Variants in DNAH10 observed in about 807,000 individuals in gnomAD.
DNAH10 encodes the protein axonemal beta dynein heavy chain 10.
A neutral mutation model predicts 506.6 loss-of-function variants in DNAH10; 348 were observed. That is an observed-to-expected ratio of 0.69 (90% CI 0.63 to 0.75). The LOEUF is 0.75. Ranked by LOEUF, DNAH10 falls within the 30% of genes least tolerant of loss-of-function variation. The pLI is 0.00. For synonymous variants in DNAH10, 2,059 were observed against 2,198.6 expected, an observed-to-expected ratio of 0.94 and a Z score of 1.78; for missense variants, 5,179 against 5,787.1, an observed-to-expected ratio of 0.89 and a Z score of 3.41.
intron 71 of DNAH10, 26 bp downstream of exon 71, chr12:123,929,510 A>G (rs1452212365): frequency 6.2e-7 from 1 of 1,607,142 alleles, no homozygotes. Context: ...TCTCCTTGGA[A>G]ATGGCTTCCT....
Position 123,852,175 on chromosome 12 carries a change from C to T in DNAH10, c.6292-1031C>T, listed in dbSNP as rs542787620. On this transcript the variant is annotated intron_variant, in intron 35 of 78. Transcript: ENST00000673944. ...TTTGTCACTTTGAGAATGTTCTCTA[C>T]CTGGAGACATGTAGTATGGAACCCT... Among the ~76,000 whole-genome samples the T allele has an allele frequency of 8.5e-5, 13 of 152,326 alleles. No homozygotes were observed. In the South Asian group the frequency reaches 2.5e-3, roughly 29 times the overall value.
At chr12:123,922,441 G>A (rs532066088) in intron 65 of DNAH10, among the ~76,000 whole-genome samples, 100 of 152,298 alleles carry the variant, frequency 6.6e-4, no homozygotes, top group African/African-American at 2.0e-3. Context: ...GGGGCCTGTA[G>A]AGTGACCTTT....
chr12:123,847,844 G>T (rs1222996556), intron 32 of DNAH10, 117 bp from the exon 33 acceptor site: 2 of 1,384,636 alleles, frequency 1.4e-6, no homozygotes, highest in African/African-American at 2.9e-5. Context: ...ACACATGAAA[G>T]CAAACACCAC....
intron 25 of DNAH10, among the ~76,000 whole-genome samples, chr12:123,828,536 C>G (rs1960218317): frequency 6.6e-6 from 1 of 152,140 alleles, no homozygotes; most frequent in African/African-American, 2.4e-5. Context: ...TCTGCAGCAG[C>G]AGGCATACTC....
intron 78 of DNAH10, 199 bp downstream of exon 78, chr12:123,934,965 T>C: frequency 1.4e-6 from 1 of 694,084 alleles, no homozygotes. Flanking sequence ...TGTGTGTGGA[T>C]GCCGGTCCTT....
chr12:123,831,277 A>G (rs1194719143), intron 26 of DNAH10, among the ~76,000 whole-genome samples: 7 of 152,172 alleles, frequency 4.6e-5, no homozygotes, highest in Admixed American at 4.6e-4. Context: ...ACATATGCAT[A>G]CACACATACT....
rs761216754 is a variant in DNAH10, at chr12:123,826,691, C to T, written c.4184C>T (p.Ala1395Val). The change falls in exon 25 of 79, where the codon GCA (alanine) becomes GTA (valine). Residue 1395 changes from alanine to valine, a missense_variant. By Grantham distance (64) the Ala-to-Val change is moderately conservative (BLOSUM62 0). This residue lies in a region of DNAH10 where 4,844 missense variants were observed against 5,430.5 expected (regional missense o/e 0.89). Coordinates refer to ENST00000673944, the MANE Select transcript of DNAH10 (RefSeq NM_001372106.1). Reference sequence around the variant, plus strand: ...CTGTTCCTTGCACGTTTCCAGGTTGCAAAAGAAGAATGGTCTCAGACCCTT... The same window carrying T: ...CTGTTCCTTGCACGTTTCCAGGTTGTAAAAGAAGAATGGTCTCAGACCCTT... ...IYELYEGLKV[A>V]KEEWSQTLWI... 6.5e-5 allele frequency: 105 copies of T among 1,612,522 alleles called. No individual in the cohort carries two copies. Among genetic ancestry groups the T allele is most frequent in the Non-Finnish European group, 8.1e-5 (95 of 1,179,238 alleles).
chr12:123,896,130 CACACACACACACACACACAG>C lies in DNAH10; in HGVS notation c.9280+1409_9280+1428del, dbSNP rs1260234088. 8.1e-4 allele frequency among the ~76,000 whole-genome samples: 90 copies of C among 111,134 alleles called. 1 individual carries two copies. Among genetic ancestry groups the C allele is most frequent in the African/African-American group, 3.8e-3 (82 of 21,812 alleles). The allele number at this position is 111,134 out of a possible 152,430, so 72.9% of individuals were successfully genotyped here. On this transcript the variant is annotated intron_variant, in intron 54 of 78. Transcript: ENST00000673944. ...TTTATCTCACACACACACACACACA[CACACACACACACACACACAG>C]AGAGAGAGAGAGAGAGAGAGAGAGA...
chr12:123,844,497 C>T (rs1397840393), intron 30 of DNAH10, among the ~76,000 whole-genome samples: 1 of 152,118 alleles, frequency 6.6e-6, no homozygotes, highest in Non-Finnish European at 1.5e-5. Context: ...GGAGAAACCC[C>T]ACGACTCAGC....
At chr12:123,890,639 G>A (rs943988200) in intron 52 of DNAH10, among the ~76,000 whole-genome samples, 3 of 152,158 alleles carry the variant, frequency 2.0e-5, no homozygotes, top group Non-Finnish European at 2.9e-5. Flanking sequence ...CGAGATTAGA[G>A]GGGAACAGGA....
At chr12:123,858,556 C>T (rs1951490193) in intron 37 of DNAH10, among the ~76,000 whole-genome samples, 1 of 152,152 alleles carries the variant, frequency 6.6e-6, no homozygotes, top group African/African-American at 2.4e-5. Context: ...CGAGAGTTAC[C>T]ATAAGACCCA....
chr12:123,833,434 A>G, intron 27 of DNAH10, 87 bp downstream of exon 27: 1 of 997,134 alleles, frequency 1.0e-6, no homozygotes, highest in South Asian at 1.6e-5. Context: ...TAGAACTTTT[A>G]TATGAGGATA....
At position 123,859,200 on chromosome 12, in the gene DNAH10, G is replaced by T; in HGVS notation, c.6681G>T (p.Thr2227=). The T allele has an allele frequency of 6.2e-7, 1 of 1,612,332 alleles. No individual in the cohort carries two copies. The highest frequency in any genetic ancestry group is 8.5e-7 in the Non-Finnish European group (1 of 1,179,428). ...MFETMLTRHT[T]MVVGPTRGGK... is the part of the protein sequence containing the mutation. ...AGACCATGTTAACCCGCCACACGACGATGGTGGTGGGGCCCACCAGAGGGG... is the reference window on the plus strand; with the variant it reads ...AGACCATGTTAACCCGCCACACGACTATGGTGGTGGGGCCCACCAGAGGGG... The change falls in exon 38 of 79, where the codon ACG becomes ACT. Residue 2227 remains threonine, a synonymous_variant. Transcript: ENST00000673944.
intron 54 of DNAH10, 85 bp from the exon 55 acceptor site, chr12:123,897,685 A>G: frequency 1.5e-5 from 21 of 1,442,538 alleles, no homozygotes; most frequent in Non-Finnish European, 1.8e-5. Context: ...TGATCACGCC[A>G]CTGCACTCCA....
At chr12:123,888,285 C>T (rs1265134403) in intron 52 of DNAH10, among the ~76,000 whole-genome samples, 2 of 152,186 alleles carry the variant, frequency 1.3e-5, no homozygotes, top group Non-Finnish European at 1.5e-5. Context: ...CCTCATTTCA[C>T]AGCTGAGGAA....
At chr12:123,867,324 T>G (rs1055086412) in intron 41 of DNAH10, 143 bp from the exon 42 acceptor site, 3 of 846,834 alleles carry the variant, frequency 3.5e-6, no homozygotes, top group South Asian at 1.9e-5. Context: ...TATAGGGCAC[T>G]ATTATCAGGA....
intron 34 of DNAH10, 52 bp downstream of exon 34, chr12:123,848,934 A>AGTAT: frequency 6.3e-7 from 1 of 1,594,084 alleles, no homozygotes; most frequent in African/African-American, 1.3e-5. Flanking sequence ...AAGTTTGCCA[A>AGTAT]GTATGGTAAG....
At chr12:123,825,643 G>C (rs964913497) in intron 24 of DNAH10, among the ~76,000 whole-genome samples, 2 of 152,184 alleles carry the variant, frequency 1.3e-5, no homozygotes, top group Admixed American at 6.5e-5. Context: ...TGGGGGTAGG[G>C]ACAGGAGGAG....
chr12:123,898,087 A>G (rs1439989195), intron 55 of DNAH10, 120 bp downstream of exon 55: 1 of 970,752 alleles, frequency 1.0e-6, no homozygotes. Context: ...AACGAAGCAC[A>G]TCTTGGATTT....
Sources: gnomAD v4.1 joint callset for allele counts (sites outside exome capture counted in the v4.1 genomes callset) on GRCh38, gnomAD v4.1.1 for gene constraint, gnomAD v4.1.1 regional missense constraint, MANE v1.5 for transcripts, NCBI Gene and HGNC (gene_info 2026-07-23, HGNC 2026-07-21) for gene names.